The following ZNF528 variants were observed in gnomAD, a reference collection of about 807,000 sequenced individuals.
ZNF528 encodes zinc finger protein 528.
In ZNF528, 9 loss-of-function variants were observed where a neutral mutation model predicts 13.3. The ratio of observed to expected loss-of-function variants is 0.67; its 90% confidence interval spans 0.41 to 1.18. ZNF528 has a LOEUF of 1.18. Ranked by LOEUF, ZNF528 falls within the 50% of genes most tolerant of loss-of-function variation. The pLI is 0.01. For missense variants in ZNF528, 858 were observed against 745.4 expected, an observed-to-expected ratio of 1.15 and a Z score of -1.76; for synonymous variants, 264 against 254.3, an observed-to-expected ratio of 1.04 and a Z score of -0.36.
At chr19:52,404,388 C>T (rs2058830459) in intron 4 of ZNF528, among the ~76,000 whole-genome samples, 1 of 151,304 alleles carries the variant, frequency 6.6e-6, no homozygotes, top group South Asian at 2.1e-4. Flanking sequence ...CCACCACACC[C>T]AGCTAATTTC....
At chr19:52,401,427 G>T (rs1039962342) in intron 2 of ZNF528, among the ~76,000 whole-genome samples, 1 of 152,174 alleles carries the variant, frequency 6.6e-6, no homozygotes, top group African/African-American at 2.4e-5. Flanking sequence ...TGAGGAAATA[G>T]ATTGTTTCAA....
intron 2 of ZNF528, among the ~76,000 whole-genome samples, chr19:52,399,563 C>A (rs966039374): frequency 9.2e-5 from 14 of 152,074 alleles, no homozygotes; most frequent in Admixed American, 3.3e-4. Context: ...GAGCCGAGAT[C>A]GTGTCACTGC....
intron 6 of ZNF528, among the ~76,000 whole-genome samples, chr19:52,407,282 G>C (rs948928311): frequency 5.9e-5 from 9 of 152,084 alleles, no homozygotes; most frequent in African/African-American, 2.2e-4. Context: ...GGGACTGCAG[G>C]TGTACGCCAC....
chr19:52,415,346 A>G lies in ZNF528; in HGVS notation c.494A>G (p.Asn165Ser). Residue 165 changes from asparagine to serine, a missense_variant, in exon 7 of 7, where the codon AAT (asparagine) becomes AGT (serine). Transcript: ENST00000360465. ...TCCCACCTTTTAAATAAATATAGAA[A>G]TAATTTTGATCATGCTCCATTACTT... is the stretch of plus-strand genomic sequence containing the variant. ...VKSHLLNKYR[N>S]NFDHAPLLPQ... 1 of 1,612,090 alleles carries G rather than the reference A, an allele frequency of 6.2e-7. No individual in the cohort carries two copies. The highest frequency in any genetic ancestry group is 8.5e-7 in the Non-Finnish European group (1 of 1,179,468).
chr19:52,406,060 G>A (rs746831899), intron 5 of ZNF528, 27 bp downstream of exon 5: 15 of 1,599,000 alleles, frequency 9.4e-6, no homozygotes, highest in South Asian at 5.5e-5. Context: ...CTCAGAAGCC[G>A]GGATCTGCCC....
At position 52,416,637 on chromosome 19, in the gene ZNF528, C is replaced by G; in HGVS notation, c.1785C>G (p.His595Gln). The change falls in exon 7 of 7, where the codon CAC becomes CAG. Residue 595 changes from histidine (H) to glutamine (Q), a missense_variant. By Grantham distance (24) the His-to-Gln change is conservative (BLOSUM62 0). Coordinates refer to ENST00000360465, the MANE Select transcript of ZNF528 (RefSeq NM_032423.3). ...CTCAGAAGTCTTCCCTCACCAATCA[C>G]CATAGAATTCACATTGGAGAGAAAC... ...IFTQKSSLTNHHRIHIGEKPY... is the reference protein window; with the variant it reads ...IFTQKSSLTNQHRIHIGEKPY... The G allele has an allele frequency of 6.2e-7, 1 of 1,614,100 alleles. No individual in the cohort carries two copies. The highest frequency in any genetic ancestry group is 1.1e-5 in the South Asian group (1 of 91,082).
chr19:52,405,931 G>A lies in ZNF528; in HGVS notation c.40G>A (p.Ala14Thr). The change falls in exon 5 of 7, where the codon GCC (alanine) becomes ACC (threonine). Residue 14 changes from alanine to threonine, a missense_variant. Ala to Thr is a moderately conservative substitution (Grantham distance 58, BLOSUM62 0). Transcript: ENST00000360465. Reference sequence around the variant, plus strand: ...GGGACCCTTGAAATTCATGGATGTGGCCATAGAGTTCTCTCAGGAAGAGTG... The same window carrying A: ...GGGACCCTTGAAATTCATGGATGTGACCATAGAGTTCTCTCAGGAAGAGTG... ...TQGPLKFMDVAIEFSQEEWKC... is the reference protein window; with the variant it reads ...TQGPLKFMDVTIEFSQEEWKC... 2 of 1,611,282 alleles carry A rather than the reference G, an allele frequency of 1.2e-6. No homozygotes were observed. The highest frequency in any genetic ancestry group is 8.5e-7 in the Non-Finnish European group (1 of 1,178,064).
At position 52,416,186 on chromosome 19, in the gene ZNF528, C is replaced by T. The variant is rs371294822; in HGVS notation, c.1334C>T (p.Ala445Val). The change falls in exon 7 of 7, where the codon GCG (alanine) becomes GTG (valine). Residue 445 changes from alanine to valine, a missense_variant. By Grantham distance (64) the Ala-to-Val change is moderately conservative. Transcript: ENST00000360465. ...TACAAATGTAATAAATGTGGCACAG[C>T]GTTTAGAGAGTTTTCAGACCTTACT... ...KPYKCNKCGT[A>V]FREFSDLTAH... is the part of the protein sequence containing the mutation. 118 of 1,613,568 alleles carry T rather than the reference C, an allele frequency of 7.3e-5. No homozygotes were observed. In the East Asian group the frequency reaches 1.3e-3, roughly 18 times the overall value.
Position 52,416,423 on chromosome 19 carries a change from A to G in ZNF528, c.1571A>G (p.Asn524Ser), listed in dbSNP as rs768136448. 3 of 1,614,162 alleles carry G rather than the reference A, an allele frequency of 1.9e-6. No individual in the cohort carries two copies. The South Asian group carries it at 3.3e-5, about 18-fold the overall frequency. The part of the protein sequence containing the change: ...IHTGEKPYKC[N>S]QCGKVFNQAS... ...ACAGGAGAAAAGCCTTACAAATGTAATCAATGTGGCAAGGTCTTTAATCAA... is the reference window on the plus strand; with the variant it reads ...ACAGGAGAAAAGCCTTACAAATGTAGTCAATGTGGCAAGGTCTTTAATCAA... Residue 524 changes from asparagine (N) to serine (S), a missense_variant, in exon 7 of 7, where the codon AAT becomes AGT. Asn to Ser is a conservative substitution (Grantham distance 46). Coordinates refer to ENST00000360465, the MANE Select transcript of ZNF528 (RefSeq NM_032423.3).
rs903436457 is a variant in ZNF528 at position 52,415,394 on chromosome 19, T to G, written c.542T>G (p.Ile181Ser). ...CTTCCACAAGAACAGAAAGCACACA[T>G]TAGGGAAAAAGCTTATAAATGTAAT... The part of the protein sequence containing the change: ...PLLPQEQKAH[I>S]REKAYKCNEH... The change falls in exon 7 of 7, where the codon ATT (isoleucine) becomes AGT (serine). Residue 181 changes from isoleucine (I) to serine (S), a missense_variant. Physicochemically the swap from Ile to Ser is moderately radical, Grantham distance 142. Coordinates refer to ENST00000360465, the MANE Select transcript of ZNF528 (RefSeq NM_032423.3). 5 of 1,614,114 alleles carry G rather than the reference T, an allele frequency of 3.1e-6. No homozygotes were observed. Among genetic ancestry groups the G allele is most frequent in the Non-Finnish European group, 4.2e-6 (5 of 1,180,030 alleles).
At position 52,416,027 on chromosome 19, in the gene ZNF528, G is replaced by C; in HGVS notation, c.1175G>C (p.Arg392Pro). Reference protein sequence around the residue: ...KCKECDKVFGRKCFLTSHQRI... With the variant: ...KCKECDKVFGPKCFLTSHQRI... ...AAAGAATGTGACAAGGTCTTTGGGC[G>C]CAAGTGTTTCCTGACCTCTCATCAG... Residue 392 changes from arginine to proline, a missense_variant, in exon 7 of 7, where the codon CGC (arginine) becomes CCC (proline). Coordinates refer to ENST00000360465, the MANE Select transcript of ZNF528 (RefSeq NM_032423.3). 6.2e-7 allele frequency: 1 copy of C among 1,614,050 alleles called. No individual in the cohort carries two copies. The highest frequency in any genetic ancestry group is 8.5e-7 in the Non-Finnish European group (1 of 1,180,022).
At chr19:52,413,692 T>C (rs1220954775) in intron 6 of ZNF528, 1 of 152,318 alleles carries the variant, frequency 6.6e-6, no homozygotes, top group Non-Finnish European at 1.5e-5. Flanking sequence ...AACCAATTTT[T>C]ATCCTCCCTC....
chr19:52,406,889 T>C, intron 6 of ZNF528: 1 of 428,078 alleles, frequency 2.3e-6, no homozygotes, highest in South Asian at 1.2e-4. Context: ...GGGAGAATTC[T>C]GTGGGAAAAC....
chr19:52,415,290 A>C lies in ZNF528; in HGVS notation c.438A>C (p.Ser146=), dbSNP rs766126846. The change falls in exon 7 of 7, where the codon TCA becomes TCC. Residue 146 remains serine, a synonymous_variant. Coordinates refer to ENST00000360465, the MANE Select transcript of ZNF528 (RefSeq NM_032423.3). The stretch of plus-strand genomic sequence containing the variant: ...CCGTCAGTGACAATTCCTCAGTTTC[A>C]CCGCTTGAAAAAATTTCTTCCAGTG... The part of the protein sequence containing the change: ...EKPVSDNSSV[S]PLEKISSSVK... 5.0e-6 allele frequency: 8 copies of C among 1,613,074 alleles called. No individual in the cohort carries two copies. The highest frequency in any genetic ancestry group is 5.9e-6 in the Non-Finnish European group (7 of 1,179,806).
chr19:52,416,209 A>C lies in ZNF528; in HGVS notation c.1357A>C (p.Thr453Pro), dbSNP rs759153521. The C allele has an allele frequency of 6.2e-7, 1 of 1,613,526 alleles. No individual in the cohort carries two copies. The highest frequency in any genetic ancestry group is 8.5e-7 in the Non-Finnish European group (1 of 1,179,760). The change falls in exon 7 of 7, where the codon ACT (threonine) becomes CCT (proline). Residue 453 changes from threonine to proline, a missense_variant. Coordinates refer to ENST00000360465, the MANE Select transcript of ZNF528 (RefSeq NM_032423.3). Reference protein sequence around the residue: ...GTAFREFSDLTAHFLIHSGEK... With the variant: ...GTAFREFSDLPAHFLIHSGEK... Reference sequence around the variant, plus strand: ...AGCGTTTAGAGAGTTTTCAGACCTTACTGCCCATTTTCTAATCCATAGTGG... The same window carrying C: ...AGCGTTTAGAGAGTTTTCAGACCTTCCTGCCCATTTTCTAATCCATAGTGG...
At position 52,401,665 on chromosome 19, in the gene ZNF528, T is replaced by C. The variant is rs912673538; in HGVS notation, c.-136-20T>C. 1.9e-5 allele frequency: 20 copies of C among 1,037,278 alleles called. No individual in the cohort carries two copies. Among genetic ancestry groups the C allele is most frequent in the South Asian group, 5.4e-5 (3 of 55,788 alleles). 64.3% of individuals were successfully genotyped at this position (1,037,278 alleles called of 1,614,324 possible). A position where few individuals can be genotyped will look rare whatever the true frequency, so the allele number is the denominator to read the frequency against. On this transcript the variant is annotated intron_variant, in intron 2 of 6. Transcript: ENST00000360465. ...TTTATTACCACATGAAGAATTGCTT[T>C]TTTTTTTTTTTTTTTTTAGGTTCAC...
Position 52,416,274 on chromosome 19 carries a change from C to T in ZNF528, c.1422C>T (p.Phe474=). 1 of 1,613,974 alleles carries T rather than the reference C, an allele frequency of 6.2e-7. No individual in the cohort carries two copies. The highest frequency in any genetic ancestry group is 8.5e-7 in the Non-Finnish European group (1 of 1,179,984). Residue 474 remains phenylalanine, a synonymous_variant, in exon 7 of 7, where the codon TTC becomes TTT. Coordinates refer to ENST00000360465, the MANE Select transcript of ZNF528 (RefSeq NM_032423.3). ...AATGTAAAGAATGTGGCAAAGTCTT[C>T]AGGTACAAGTCTTCTCTAACCAGTC... ...PYECKECGKV[F]RYKSSLTSHH...
chr19:52,411,323 T>C (rs1157559067), intron 6 of ZNF528: 2 of 152,188 alleles, frequency 1.3e-5, no homozygotes, highest in Non-Finnish European at 2.9e-5. Flanking sequence ...TCTCGTGTAA[T>C]GGTATAATAA....
rs1283401483 is a variant in ZNF528, at chr19:52,406,605, A to G, written c.233A>G (p.Asp78Gly). 2 of 1,614,092 alleles carry G rather than the reference A, an allele frequency of 1.2e-6. No individual in the cohort carries two copies. The highest frequency in any genetic ancestry group is 1.7e-6 in the Non-Finnish European group (2 of 1,180,004). ...TLQSEEKIAN[D>G]PDGRECIKGV... ...CAGAGTGAAGAGAAAATAGCAAACG[A>G]TCCAGACGGCAGGGAGTGCATCAAA... The change falls in exon 6 of 7, where the codon GAT (aspartate) becomes GGT (glycine). Residue 78 changes from aspartate (D) to glycine (G), a missense_variant. Coordinates refer to ENST00000360465, the MANE Select transcript of ZNF528 (RefSeq NM_032423.3).
Sources: allele counts gnomAD v4.1 joint callset (sites outside exome capture counted in the v4.1 genomes callset), GRCh38; gene constraint gnomAD v4.1.1; transcripts MANE v1.5; gene names NCBI Gene and HGNC (gene_info 2026-07-23, HGNC 2026-07-21).